Variants in CYP46A1 observed in about 807,000 individuals in gnomAD.
CYP46A1 encodes the protein cytochrome P450 family 46 subfamily A member 1.
A neutral mutation model predicts 63.3 loss-of-function variants in CYP46A1; 20 were observed. That is an observed-to-expected ratio of 0.32 (90% CI 0.22 to 0.46). The LOEUF is 0.46. Ranked by LOEUF, CYP46A1 falls within the 20% of genes least tolerant of loss-of-function variation. CYP46A1 has a pLI of 1.00. For synonymous variants in CYP46A1, 268 were observed against 273.6 expected (o/e 0.98, Z 0.20); for missense variants, 445 against 670.8 (o/e 0.66, Z 3.72).
chr14:99,694,000 A>G (rs879423620), intron 3 of CYP46A1, among the ~76,000 whole-genome samples: 1 of 151,964 alleles, frequency 6.6e-6, no homozygotes, highest in Non-Finnish European at 1.5e-5. Context: ...CTCCCCCCAG[A>G]CCCTGGAAAC....
intron 1 of CYP46A1, 73 bp downstream of exon 1, chr14:99,684,609 G>A (rs977730649): frequency 1.5e-6 from 2 of 1,315,598 alleles, no homozygotes; most frequent in Non-Finnish European, 2.0e-6. Flanking sequence ...CTAAGCCGGC[G>A]TCCAGGCCGG....
At chr14:99,695,170 A>G (rs2056576698) in intron 3 of CYP46A1, among the ~76,000 whole-genome samples, 1 of 152,236 alleles carries the variant, frequency 6.6e-6, no homozygotes. Context: ...TCATGATTTC[A>G]GTCCTTTTAA....
rs773840215 is a variant in CYP46A1 at position 99,716,223 on chromosome 14, A to T, written c.907+24A>T. On this transcript the variant is annotated intron_variant, in intron 9 of 14. Transcript: ENST00000261835. The stretch of plus-strand genomic sequence containing the variant: ...TGGTTTGTAGCTTTGGCGGTGGCCA[A>T]GGGCCCGGAGCTCTGCAGAAATGCT... The T allele has an allele frequency of 3.7e-6, 6 of 1,613,332 alleles. No homozygotes were observed. The South Asian group carries it at 6.6e-5, about 18-fold the overall frequency.
intron 3 of CYP46A1, among the ~76,000 whole-genome samples, chr14:99,695,982 T>C (rs1054996419): frequency 6.6e-6 from 1 of 152,124 alleles, no homozygotes; most frequent in African/African-American, 2.4e-5. Context: ...TTTTTTCTGT[T>C]ATATTACTTT....
intron 4 of CYP46A1, 68 bp downstream of exon 4, chr14:99,699,607 C>G (rs1044230846): frequency 1.0e-4 from 158 of 1,531,484 alleles, no homozygotes; most frequent in Non-Finnish European, 1.3e-4. Flanking sequence ...AGGGCCAGTG[C>G]GGTCCAGAAT....
At chr14:99,691,383 C>T (rs2056541873) in intron 2 of CYP46A1, 2 of 598,312 alleles carry the variant, frequency 3.3e-6, no homozygotes, top group East Asian at 5.5e-5. Flanking sequence ...CAGAAGCTCT[C>T]TGAGCCTCAG....
At chr14:99,696,356 A>G (rs1294994571) in intron 3 of CYP46A1, among the ~76,000 whole-genome samples, 1 of 152,080 alleles carries the variant, frequency 6.6e-6, no homozygotes, top group African/African-American at 2.4e-5. Flanking sequence ...CCTGGGCTCA[A>G]GCAATCCTCC....
intron 1 of CYP46A1, among the ~76,000 whole-genome samples, chr14:99,685,210 C>G (rs992529598): frequency 6.6e-6 from 1 of 151,182 alleles, no homozygotes; most frequent in Non-Finnish European, 1.5e-5. Flanking sequence ...CTGCATGGCC[C>G]GCGAGGCCCC....
intron 3 of CYP46A1, 28 bp from the exon 4 acceptor site, chr14:99,699,438 C>G (rs1427730611): frequency 2.5e-6 from 4 of 1,607,064 alleles, no homozygotes; most frequent in Non-Finnish European, 2.6e-6. Flanking sequence ...GGTGCATGAG[C>G]CTATGTTGGT....
At chr14:99,715,307 G>A (rs2056777808) in intron 7 of CYP46A1, among the ~76,000 whole-genome samples, 1 of 152,086 alleles carries the variant, frequency 6.6e-6, no homozygotes, top group Non-Finnish European at 1.5e-5. Flanking sequence ...TTAAAAAGAT[G>A]GCTGCTGCAG....
Position 99,715,783 on chromosome 14 carries a change from C to A in CYP46A1, c.694-27C>A, listed in dbSNP as rs1021651063. On this transcript the variant is annotated intron_variant, in intron 7 of 14. Transcript: ENST00000261835. The stretch of plus-strand genomic sequence containing the variant: ...AGAGGGAACATGCGTGTTCACTTGG[C>A]CATCTGGAGCTGAAACTCTTGTTTA... The A allele has an allele frequency of 3.1e-6, 5 of 1,613,724 alleles. No homozygotes were observed. The Admixed American group carries it at 8.3e-5, about 27-fold the overall frequency.
At chr14:99,685,418 T>G (rs1318376361) in intron 1 of CYP46A1, among the ~76,000 whole-genome samples, 1 of 148,034 alleles carries the variant, frequency 6.8e-6, no homozygotes, top group Non-Finnish European at 1.5e-5. Flanking sequence ...CAGCACCTTG[T>G]GTAAAGACCA....
intron 7 of CYP46A1, chr14:99,709,309 A>G (rs2056708522): frequency 6.6e-6 from 1 of 152,242 alleles, no homozygotes; most frequent in African/African-American, 2.4e-5. Flanking sequence ...CAGGAAAACA[A>G]TTCATCACCT....
intron 3 of CYP46A1, among the ~76,000 whole-genome samples, chr14:99,697,811 G>A (rs1406645970): frequency 1.3e-5 from 2 of 152,162 alleles, no homozygotes; most frequent in East Asian, 1.9e-4. Context: ...GGGACAGCAG[G>A]CCATGGGGGT....
At chr14:99,721,021 C>T (rs760597160) in intron 10 of CYP46A1, among the ~76,000 whole-genome samples, 2 of 151,164 alleles carry the variant, frequency 1.3e-5, no homozygotes, top group East Asian at 2.0e-4. Context: ...GGGGGGAGGG[C>T]GGAGGTTGCA....
At chr14:99,695,574 T>A (rs1207349452) in intron 3 of CYP46A1, 2 of 193,428 alleles carry the variant, frequency 1.0e-5, no homozygotes, top group Admixed American at 1.1e-4. Flanking sequence ...TTACTCCAAG[T>A]ATATTTTGTC....
chr14:99,686,476 C>T (rs1047337514), intron 1 of CYP46A1, among the ~76,000 whole-genome samples: 1 of 152,072 alleles, frequency 6.6e-6, no homozygotes, highest in Admixed American at 6.6e-5. Context: ...AGAAAGAAAC[C>T]CCGTACCCAT....
chr14:99,691,135 T>C lies in CYP46A1; in HGVS notation c.174T>C (p.Arg58=). 2.5e-6 allele frequency: 4 copies of C among 1,614,192 alleles called. No individual in the cohort carries two copies. The East Asian group carries it at 8.9e-5, about 36-fold the overall frequency. ...GGAAAAAGGATGAGGTTGGTGGCCG[T>C]GTGCTCCAAGATGTGTTTTTGGATT... The part of the protein sequence containing the change: ...CFWKKDEVGG[R]VLQDVFLDWA... Residue 58 remains arginine, a synonymous_variant, in exon 2 of 15, where the codon CGT becomes CGC. Coordinates refer to ENST00000261835, the MANE Select transcript of CYP46A1 (RefSeq NM_006668.2).
chr14:99,693,558 T>A (rs1385630428), intron 3 of CYP46A1: 1 of 152,230 alleles, frequency 6.6e-6, no homozygotes, highest in Non-Finnish European at 1.5e-5. Context: ...AGTTTTTGTT[T>A]CCATATTTAT....
Sources: gnomAD v4.1 joint callset for allele counts (sites outside exome capture counted in the v4.1 genomes callset) on GRCh38, gnomAD v4.1.1 for gene constraint, MANE v1.5 for transcripts, NCBI Gene and HGNC (gene_info 2026-07-23, HGNC 2026-07-21) for gene names.